Variants in TENM4 observed in about 807,000 individuals in gnomAD.
The protein encoded by TENM4 is teneurin transmembrane protein 4.
A neutral mutation model predicts 243.3 loss-of-function variants in TENM4; 82 were observed. The ratio of observed to expected loss-of-function variants is 0.34; its 90% CI spans 0.28 to 0.40. The LOEUF is 0.40. Among genes scored for constraint, TENM4 ranks in the 10% least tolerant of loss-of-function variants. TENM4 has a pLI of 1.00. For missense variants in TENM4, 3,138 were observed against 3,673.3 expected, an observed-to-expected ratio of 0.85 and a Z score of 3.77; for synonymous variants, 1,412 against 1,456.3, an observed-to-expected ratio of 0.97 and a Z score of 0.69.
chr11:79,001,864 T>C (rs1412550341), intron 6 of TENM4, among the ~76,000 whole-genome samples: 1 of 152,168 alleles, frequency 6.6e-6, no homozygotes, highest in African/African-American at 2.4e-5. Flanking sequence ...TGCCTGACCA[T>C]TGGAGAGCTC....
chr11:79,237,544 G>T (rs1864499842), intron 2 of TENM4, among the ~76,000 whole-genome samples: 1 of 152,190 alleles, frequency 6.6e-6, no homozygotes. Context: ...GGGTGTGGTG[G>T]CAGGCACCTA....
At chr11:79,398,734 C>CT (rs1239260347) in intron 1 of TENM4, among the ~76,000 whole-genome samples, 1 of 96,480 alleles carries the variant, frequency 1.0e-5, no homozygotes, top group Non-Finnish European at 2.0e-5. Context: ...TAGTCAGATG[C>CT]TTTAAAAAAA....
chr11:78,665,205 CTTTTT>C (rs1858126324), intron 32 of TENM4, among the ~76,000 whole-genome samples: 1 of 147,804 alleles, frequency 6.8e-6, no homozygotes, highest in Admixed American at 6.8e-5. Flanking sequence ...CTTTCTTTTC[CTTTTT>C]ATTTTCTTTT....
chr11:78,815,531 G>GA (rs1441855083), intron 12 of TENM4, among the ~76,000 whole-genome samples: 1 of 152,152 alleles, frequency 6.6e-6, no homozygotes, highest in African/African-American at 2.4e-5. Flanking sequence ...GACAGGTCAA[G>GA]AAAATATAGA....
chr11:79,231,574 C>T (rs536896063), intron 2 of TENM4, among the ~76,000 whole-genome samples: 56 of 152,134 alleles, frequency 3.7e-4, no homozygotes, highest in Non-Finnish European at 6.9e-4. Context: ...TTTCTGGCTG[C>T]GTGACCTCAG....
At chr11:79,085,991 G>T (rs1423780472) in intron 4 of TENM4, among the ~76,000 whole-genome samples, 1 of 151,504 alleles carries the variant, frequency 6.6e-6, no homozygotes, top group Non-Finnish European at 1.5e-5. Context: ...ACAGCATCCT[G>T]TATTTATTAC....
intron 6 of TENM4, among the ~76,000 whole-genome samples, chr11:78,947,718 G>A (rs925505969): frequency 2.0e-5 from 3 of 152,196 alleles, no homozygotes; most frequent in African/African-American, 4.8e-5. Context: ...GTATGAATGT[G>A]CATAATTCAT....
chr11:79,316,813 C>G (rs1037379734), intron 1 of TENM4, among the ~76,000 whole-genome samples: 1 of 152,164 alleles, frequency 6.6e-6, no homozygotes, highest in Non-Finnish European at 1.5e-5. Flanking sequence ...TGCCCACCAC[C>G]AACCAAAAAA....
chr11:79,284,502 G>A (rs537932375), intron 2 of TENM4, among the ~76,000 whole-genome samples: 19 of 152,294 alleles, frequency 1.2e-4, no homozygotes, highest in African/African-American at 4.3e-4. Flanking sequence ...ATCCACATGC[G>A]AAAGAATGAA....
intron 6 of TENM4, among the ~76,000 whole-genome samples, chr11:78,908,506 C>A (rs964377526): frequency 4.6e-5 from 7 of 152,054 alleles, no homozygotes; most frequent in African/African-American, 1.7e-4. Context: ...GGTTCCAAAG[C>A]AAAAAACCTT....
intron 15 of TENM4, among the ~76,000 whole-genome samples, chr11:78,797,351 T>A (rs1390157939): frequency 6.6e-6 from 1 of 152,216 alleles, no homozygotes; most frequent in Non-Finnish European, 1.5e-5. Flanking sequence ...AGTTTTTTTT[T>A]AAGATTACAA....
intron 4 of TENM4, among the ~76,000 whole-genome samples, chr11:79,135,703 C>T (rs553352569): frequency 2.0e-5 from 3 of 146,378 alleles, no homozygotes; most frequent in Non-Finnish European, 4.5e-5. Context: ...ATATATGATA[C>T]ATCATACATA....
chr11:78,764,936 G>T (rs1856512135), intron 18 of TENM4, among the ~76,000 whole-genome samples: 2 of 152,140 alleles, frequency 1.3e-5, no homozygotes, highest in South Asian at 2.1e-4. Context: ...AGGAGAATGG[G>T]GGTGTGGGCG....
At chr11:78,941,749 T>C (rs1235359877) in intron 6 of TENM4, among the ~76,000 whole-genome samples, 1 of 152,198 alleles carries the variant, frequency 6.6e-6, no homozygotes, top group Non-Finnish European at 1.5e-5. Flanking sequence ...GGACTCACTC[T>C]CACCTCACAA....
At chr11:78,943,130 T>C (rs1238325241) in intron 6 of TENM4, among the ~76,000 whole-genome samples, 2 of 152,180 alleles carry the variant, frequency 1.3e-5, no homozygotes, top group African/African-American at 4.8e-5. Flanking sequence ...CCTTAATGAA[T>C]GTGCACCTTT....
chr11:78,890,728 C>A (rs533415667), intron 8 of TENM4, among the ~76,000 whole-genome samples: 1 of 152,320 alleles, frequency 6.6e-6, no homozygotes, highest in East Asian at 1.9e-4. Context: ...GTCATGAGGG[C>A]AGCGGGGTAT....
chr11:78,993,751 CATTAT>C (rs2136673595), intron 6 of TENM4, among the ~76,000 whole-genome samples: 1 of 152,316 alleles, frequency 6.6e-6, no homozygotes, highest in East Asian at 1.9e-4. Flanking sequence ...TTTGCTCACT[CATTAT>C]ATTCATATTT....
chr11:79,315,093 G>A (rs1448149459), intron 1 of TENM4, among the ~76,000 whole-genome samples: 1 of 152,224 alleles, frequency 6.6e-6, no homozygotes, highest in African/African-American at 2.4e-5. Context: ...CTGAGTAATA[G>A]CGTGGGAGTA....
intron 6 of TENM4, among the ~76,000 whole-genome samples, chr11:79,049,451 C>G (rs2136931663): frequency 6.6e-6 from 1 of 152,334 alleles, no homozygotes; most frequent in African/African-American, 2.4e-5. Flanking sequence ...CTAGGGGGAT[C>G]TGCTAGGGCC....
Sources: allele counts gnomAD v4.1 joint callset (sites outside exome capture counted in the v4.1 genomes callset), GRCh38; gene constraint gnomAD v4.1.1; transcripts MANE v1.5; gene names NCBI Gene and HGNC (gene_info 2026-07-23, HGNC 2026-07-21).